Variants in NOL7 observed in about 807,000 individuals in gnomAD.
NOL7 encodes U3 small nucleolar RNA-associated protein NOL7.
Under a neutral mutation model 38.4 loss-of-function variants are expected in NOL7, and 36 were observed. That is an observed-to-expected ratio of 0.94 (90% CI 0.72 to 1.24). NOL7 has a LOEUF of 1.24. Ranked by LOEUF, NOL7 falls within the 50% of genes most tolerant of loss-of-function variation. NOL7 has a pLI of 0.00. For synonymous variants in NOL7, 142 were observed against 126.5 expected (o/e 1.12, Z -0.82); for missense variants, 350 against 315.1 (o/e 1.11, Z -0.84).
intron 8 of NOL7, among the ~76,000 whole-genome samples, chr6:13,629,426 T>C (rs1172515787): frequency 6.6e-6 from 1 of 152,144 alleles, no homozygotes; most frequent in Non-Finnish European, 1.5e-5. Flanking sequence ...AAACTGAAAA[T>C]ACCTGAAATA....
chr6:13,629,725 A>G (rs1261775178), intron 8 of NOL7, among the ~76,000 whole-genome samples: 1 of 152,180 alleles, frequency 6.6e-6, no homozygotes, highest in Non-Finnish European at 1.5e-5. Flanking sequence ...AAACAATTCA[A>G]GAGTTCTTTT....
chr6:13,625,866 C>A (rs527920337), downstream of NOL7: 638 of 783,952 alleles, frequency 8.1e-4, 7 homozygotes, highest in South Asian at 9.2e-3. Flanking sequence ...CAGGCACAGA[C>A]TAATAATGTA....
rs764478159 is a variant in NOL7, at chr6:13,620,448, G to GAA, written c.666_667dup (p.Arg223LysfsTer8). ...CTCTTGCCAACAAGAGGTTACCAGT[G>GAA]AAAAGAGCTGCTGTCCAGTTTTTGA... On this transcript the variant is annotated frameshift_variant, in exon 7 of 8. Coordinates refer to ENST00000451315, the MANE Select transcript of NOL7 (RefSeq NM_016167.5). LOFTEE classifies it high-confidence loss of function. The GAA allele has an allele frequency of 6.2e-7, 1 of 1,614,136 alleles. No individual in the cohort carries two copies. The highest frequency in any genetic ancestry group is 1.1e-5 in the South Asian group (1 of 91,082).
Position 13,621,067 on chromosome 6 carries a change from A to T in NOL7, c.*240A>T. 3.7e-6 allele frequency: 1 copy of T among 269,776 alleles called. No individual in the cohort carries two copies. The highest frequency in any genetic ancestry group is 2.2e-5 in the African/African-American group (1 of 45,328). 16.7% of individuals were successfully genotyped at this position (269,776 alleles called of 1,614,324 possible). On this transcript the variant is annotated 3_prime_UTR_variant, in exon 8 of 8. Coordinates refer to ENST00000451315, the MANE Select transcript of NOL7 (RefSeq NM_016167.5). The stretch of plus-strand genomic sequence containing the variant: ...AATTCAAGCCATACCCACATCAGCA[A>T]CAGCACCTCTTCTACTCTCCCCGGG...
intron 4 of NOL7, 52 bp downstream of exon 4, chr6:13,617,853 G>GACACTTA: frequency 6.5e-7 from 1 of 1,529,524 alleles, no homozygotes. Flanking sequence ...AAGTGCACTT[G>GACACTTA]CAGATGTTTC....
chr6:13,620,727 C>CT (rs1228638097), intron 7 of NOL7, 27 bp from the exon 8 acceptor site: 2 of 1,447,232 alleles, frequency 1.4e-6, no homozygotes, highest in African/African-American at 2.9e-5. Context: ...TTCTAATATA[C>CT]TTACTGCAGA....
rs1764427037 is a variant in NOL7 at position 13,620,926 on chromosome 6, C to G, written c.*99C>G. On this transcript the variant is annotated 3_prime_UTR_variant, in exon 8 of 8. Transcript: ENST00000451315. ...AAGGATCATTATAAAAATCATAAAC[C>G]TATTTGAGGAAGTGCTCAACCACAT... 3.9e-6 allele frequency: 3 copies of G among 764,102 alleles called. No individual in the cohort carries two copies. The highest frequency in any genetic ancestry group is 6.1e-6 in the Non-Finnish European group (3 of 488,166). 47.3% of individuals were successfully genotyped at this position (764,102 alleles called of 1,614,324 possible). A position where few individuals can be genotyped will look rare whatever the true frequency, so the allele number is the denominator to read the frequency against.
At position 13,620,824 on chromosome 6, in the gene NOL7, G is replaced by GTAAA. The variant is rs1562291881; in HGVS notation, c.773_*2dup. 1.3e-6 allele frequency: 2 copies of GTAAA among 1,568,932 alleles called. No homozygotes were observed. ...TGGTCAGAAAGATGAAAACTAAGAA[G>GTAAA]TAAATCAATGCTAAATGAAGAATCT... On this transcript the variant is annotated frameshift_variant and stop_retained_variant, in exon 8 of 8. Coordinates refer to ENST00000451315, the MANE Select transcript of NOL7 (RefSeq NM_016167.5). LOFTEE classifies it high-confidence loss of function.
rs368112845 is a variant in NOL7 at position 13,617,685 on chromosome 6, C to G, written c.387-85C>G. ...GTTGGTAATGAAAGGGGGTGTCTTACTTGTAAAGGCAAATGAAATAATATA... is the reference window on the plus strand; with the variant it reads ...GTTGGTAATGAAAGGGGGTGTCTTAGTTGTAAAGGCAAATGAAATAATATA... On this transcript the variant is annotated intron_variant, in intron 3 of 7. Transcript: ENST00000451315. 1.9e-5 allele frequency: 26 copies of G among 1,336,082 alleles called. No homozygotes were observed. The African/African-American group carries it at 3.3e-4, about 17-fold the overall frequency. The allele number at this position is 1,336,082 out of a possible 1,614,324, so 82.8% of individuals were successfully genotyped here.
exon 9 of NOL7, chr6:13,632,465 C>T: frequency 6.2e-7 from 1 of 1,613,912 alleles, no homozygotes; most frequent in Non-Finnish European, 8.5e-7. Context: ...ATCATTCTTT[C>T]TATGGCGGCC....
At chr6:13,620,081 G>C in intron 5 of NOL7, 127 bp from the exon 6 acceptor site, 1 of 1,011,302 alleles carries the variant, frequency 9.9e-7, no homozygotes, top group Non-Finnish European at 1.4e-6. Context: ...TTGAACCTGG[G>C]AGGCAGAAGT....
In NOL7 at chr6:13,617,794, G is replaced by A; in HGVS notation, c.411G>A (p.Val137=). The A allele has an allele frequency of 6.2e-7, 1 of 1,613,706 alleles. No homozygotes were observed. The highest frequency in any genetic ancestry group is 8.5e-7 in the Non-Finnish European group (1 of 1,179,588). ...GCATCAAGAAATCGCCAGGAAAGGT[G>A]AAAGAAGGTATGACTATTCTAATTT... ...QTNIKKSPGK[V]KEVNLQKKNE... is the part of the protein sequence containing the mutation. Residue 137 remains valine (V), a synonymous_variant, in exon 4 of 8, where the codon GTG becomes GTA. Coordinates refer to ENST00000451315, the MANE Select transcript of NOL7 (RefSeq NM_016167.5).
At chr6:13,622,992 G>A (rs1276231261), downstream of NOL7, among the ~76,000 whole-genome samples, 1 of 152,162 alleles carries the variant, frequency 6.6e-6, no homozygotes, top group East Asian at 1.9e-4. Flanking sequence ...GGCTGGTGGG[G>A]AGTAAGTGGT....
chr6:13,632,453 G>A, exon 9 of NOL7: 2 of 1,613,826 alleles, frequency 1.2e-6, no homozygotes, highest in Non-Finnish European at 1.7e-6. Context: ...CGTCCAAAGT[G>A]GATCATTCTT....
Position 13,620,474 on chromosome 6 carries a change from A to G in NOL7, c.689A>G (p.Asn230Ser). 2 of 1,613,934 alleles carry G rather than the reference A, an allele frequency of 1.2e-6. No homozygotes were observed. Residue 230 changes from asparagine to serine, a missense_variant, in exon 7 of 8, where the codon AAT becomes AGT. Asn to Ser is a conservative substitution (Grantham distance 46). Transcript: ENST00000451315. ...PVKRAAVQFLNNAWGIQKKQN... is the reference protein window; with the variant it reads ...PVKRAAVQFLSNAWGIQKKQN... ...AAAAGAGCTGCTGTCCAGTTTTTGA[A>G]TAATGCTTGGGGTAAGATCCAGCTT...
At chr6:13,617,586 A>G (rs1764324112) in intron 3 of NOL7, among the ~76,000 whole-genome samples, 184 bp from the exon 4 acceptor site, 1 of 152,180 alleles carries the variant, frequency 6.6e-6, no homozygotes. Flanking sequence ...AATGCTTGAG[A>G]GTTGGTGGCA....
chr6:13,626,220 T>C (rs748581202), downstream of NOL7, among the ~76,000 whole-genome samples: 8 of 152,256 alleles, frequency 5.3e-5, no homozygotes, highest in Non-Finnish European at 1.0e-4. Flanking sequence ...AATTCAGTTA[T>C]GAAAAAATTA....
intron 7 of NOL7, 111 bp downstream of exon 7, chr6:13,620,596 TTAAG>T (rs1266499229): frequency 4.3e-6 from 5 of 1,149,814 alleles, no homozygotes; most frequent in Admixed American, 4.5e-5. Flanking sequence ...GGCTTATATA[TTAAG>T]TTACTTGTGA....
Position 13,620,310 on chromosome 6 carries a change from A to C in NOL7, c.603A>C (p.Pro201=), listed in dbSNP as rs1478895976. The change falls in exon 6 of 8, where the codon CCA becomes CCC. Residue 201 remains proline (P), a synonymous_variant. Coordinates refer to ENST00000451315, the MANE Select transcript of NOL7 (RefSeq NM_016167.5). ...QAFIHNSLYG[P]GTNRTTVNKF... is the part of the protein sequence containing the mutation. The stretch of plus-strand genomic sequence containing the variant: ...TCATACATAATTCATTATATGGGCC[A>C]GGAACCAACAGGACTACTGGTAATT... The C allele has an allele frequency of 6.2e-7, 1 of 1,614,064 alleles. No homozygotes were observed. The highest frequency in any genetic ancestry group is 1.3e-5 in the African/African-American group (1 of 74,942).
Sources: gnomAD v4.1 joint callset for allele counts (sites outside exome capture counted in the v4.1 genomes callset) on GRCh38, gnomAD v4.1.1 for gene constraint, MANE v1.5 for transcripts, NCBI Gene and HGNC (gene_info 2026-07-23, HGNC 2026-07-21) for gene names.